MCC: variants seen among roughly 807,000 people sequenced by gnomAD.
The protein encoded by MCC is colorectal mutant cancer protein.
A neutral mutation model predicts 116.2 loss-of-function variants in MCC; 90 were observed. The observed-to-expected ratio is 0.77, with a 90% CI of 0.65 to 0.92. The LOEUF is 0.92. Among genes scored for constraint, MCC ranks in the 40% least tolerant of loss-of-function variants. The pLI is 0.00. For missense variants in MCC, 1,516 were observed against 1,312.2 expected, an observed-to-expected ratio of 1.16 and a Z score of -2.40; for synonymous variants, 578 against 510.5, an observed-to-expected ratio of 1.13 and a Z score of -1.78.
intron 3 of MCC, among the ~76,000 whole-genome samples, chr5:113,332,050 T>TA (rs1172349188): frequency 6.6e-6 from 1 of 151,750 alleles, no homozygotes; most frequent in Non-Finnish European, 1.5e-5. Flanking sequence ...AGACAGCTCT[T>TA]AGACTATAAA....
chr5:113,443,361 C>A (rs1387375539), intron 1 of MCC, among the ~76,000 whole-genome samples: 1 of 152,196 alleles, frequency 6.6e-6, no homozygotes, highest in Non-Finnish European at 1.5e-5. Context: ...TCCCGAGACA[C>A]TGCTGAAGTT....
Position 113,376,606 on chromosome 5 carries a change from C to CACACACACAT in MCC, c.415+8361_415+8362insATGTGTGTGT, listed in dbSNP as rs1768988915. Reference sequence around the variant, plus strand: ...ACACACACACACACACACACACACACATATCAGTATTATGTAGCATTATTA... The same window carrying CACACACACAT: ...ACACACACACACACACACACACACACACACACACATATATCAGTATTATGTAGCATTATTA... On this transcript the variant is annotated intron_variant, in intron 2 of 18. Transcript: ENST00000408903. Among the ~76,000 whole-genome samples the CACACACACAT allele has an allele frequency of 1.1e-4, 16 of 151,444 alleles. 1 individual carries two copies. Among genetic ancestry groups the CACACACACAT allele is most frequent in the Admixed American group, 7.3e-4 (11 of 15,168 alleles).
chr5:113,404,800 T>C (rs560259291), intron 1 of MCC, among the ~76,000 whole-genome samples: 1 of 138,740 alleles, frequency 7.2e-6, no homozygotes, highest in East Asian at 2.0e-4. Context: ...TGGCACAACA[T>C]CCAAAATCAA....
chr5:113,217,353 G>A (rs1373335106), intron 3 of MCC, among the ~76,000 whole-genome samples: 1 of 152,158 alleles, frequency 6.6e-6, no homozygotes, highest in Non-Finnish European at 1.5e-5. Flanking sequence ...CACATAGCTT[G>A]GAATGTAATG....
At position 113,071,224 on chromosome 5, in the gene MCC, G is replaced by A. The variant is rs1403212274; in HGVS notation, c.1795C>T (p.His599Tyr). The part of the protein sequence containing the change: ...ETERLNSRIE[H>Y]LKSQNDLLTI... Reference sequence around the variant, plus strand: ...AGGAGGTCATTTTGGGATTTGAGGTGCTCAATCCGGCTACAAAGGAACAAA... The same window carrying A: ...AGGAGGTCATTTTGGGATTTGAGGTACTCAATCCGGCTACAAAGGAACAAA... Residue 599 changes from histidine (H) to tyrosine (Y), a missense_variant, in exon 12 of 19, where the codon CAC becomes TAC. His to Tyr is a moderately conservative substitution (Grantham distance 83). Transcript: ENST00000408903. 1.2e-6 allele frequency: 2 copies of A among 1,613,582 alleles called. No homozygotes were observed. Among genetic ancestry groups the A allele is most frequent in the Non-Finnish European group, 1.7e-6 (2 of 1,179,838 alleles).
chr5:113,045,676 G>C (rs1310874859), intron 16 of MCC, among the ~76,000 whole-genome samples: 1 of 151,926 alleles, frequency 6.6e-6, no homozygotes. Context: ...GCGCACACCT[G>C]TAGTCCCAGA....
chr5:113,438,327 A>C (rs1770923067), intron 1 of MCC, among the ~76,000 whole-genome samples: 1 of 152,160 alleles, frequency 6.6e-6, no homozygotes, highest in Non-Finnish European at 1.5e-5. Context: ...GAGCTGAGGC[A>C]ATTAAGAGCA....
intron 6 of MCC, among the ~76,000 whole-genome samples, chr5:113,107,337 C>T (rs1756805985): frequency 6.6e-6 from 1 of 151,858 alleles, no homozygotes; most frequent in Non-Finnish European, 1.5e-5. Flanking sequence ...CCTATCTCAG[C>T]CTCCCGAGTA....
intron 1 of MCC, among the ~76,000 whole-genome samples, chr5:113,397,436 T>C (rs1340014593): frequency 6.6e-6 from 1 of 152,000 alleles, no homozygotes; most frequent in African/African-American, 2.4e-5. Context: ...GGTTACCAAC[T>C]TGAAAAAAAT....
intron 13 of MCC, among the ~76,000 whole-genome samples, chr5:113,065,763 G>C (rs926568721): frequency 2.6e-5 from 4 of 152,232 alleles, no homozygotes; most frequent in African/African-American, 9.6e-5. Context: ...ATGAGTTCCT[G>C]CTTTGCTGTG....
At chr5:113,086,825 A>G (rs557937625) in intron 8 of MCC, among the ~76,000 whole-genome samples, 1 of 152,092 alleles carries the variant, frequency 6.6e-6, no homozygotes. Flanking sequence ...AGGGCTTTCT[A>G]AACAGAATGT....
chr5:113,080,641 C>A (rs139559644), intron 11 of MCC, among the ~76,000 whole-genome samples: 1 of 151,938 alleles, frequency 6.6e-6, no homozygotes, highest in African/African-American at 2.4e-5. Context: ...CATCACACAC[C>A]GGGGCCTGTC....
chr5:113,164,081 A>G (rs1314019200), intron 3 of MCC, among the ~76,000 whole-genome samples: 1 of 152,178 alleles, frequency 6.6e-6, no homozygotes, highest in Non-Finnish European at 1.5e-5. Flanking sequence ...CTTGCTCTCA[A>G]CAAGCTCCCA....
intron 3 of MCC, among the ~76,000 whole-genome samples, chr5:113,287,506 T>C (rs1381085260): frequency 2.6e-5 from 4 of 152,114 alleles, no homozygotes; most frequent in African/African-American, 9.7e-5. Flanking sequence ...TTTGTATTTT[T>C]AGTAGAGACA....
In MCC at chr5:113,079,437, A is replaced by G. The variant is rs1469310662; in HGVS notation, c.1784+3423T>C. 3.3e-5 allele frequency among the ~76,000 whole-genome samples: 5 copies of G among 152,364 alleles called. No individual in the cohort carries two copies. In the South Asian group the frequency reaches 8.3e-4, roughly 25 times the overall value. ...ACAAGGCCACAGTAACCAAAACAGC[A>G]TGGTACTGGTACCAGAACAGAGATA... On this transcript the variant is annotated intron_variant, in intron 11 of 18. Coordinates refer to ENST00000408903, the MANE Select transcript of MCC (RefSeq NM_001085377.2).
rs572734816 is a variant in MCC, at chr5:113,306,821, T to C, written c.627+33698A>G. Among the ~76,000 whole-genome samples the C allele has an allele frequency of 2.6e-5, 4 of 152,200 alleles. No homozygotes were observed. In the South Asian group the frequency reaches 8.3e-4, roughly 32 times the overall value. On this transcript the variant is annotated intron_variant, in intron 3 of 18. Coordinates refer to ENST00000408903, the MANE Select transcript of MCC (RefSeq NM_001085377.2). ...GCAAGGTCACAAAGATTTACTCCTA[T>C]TGTTTTCCTCTAATAATTTTTTTAG...
intron 13 of MCC, 81 bp from the exon 14 acceptor site, chr5:113,064,248 C>CT: frequency 7.7e-7 from 1 of 1,305,300 alleles, no homozygotes; most frequent in African/African-American, 1.5e-5. Flanking sequence ...ATAATTAACT[C>CT]TGTTACTTAG....
intron 3 of MCC, among the ~76,000 whole-genome samples, chr5:113,161,838 C>T (rs1412446863): frequency 1.3e-5 from 2 of 152,186 alleles, no homozygotes; most frequent in African/African-American, 4.8e-5. Flanking sequence ...GCATTCCCAT[C>T]TTTTAAAAGA....
chr5:113,435,642 C>A (rs1357059632), intron 1 of MCC: 1 of 152,606 alleles, frequency 6.6e-6, no homozygotes, highest in African/African-American at 2.4e-5. Flanking sequence ...GCCCCGGAGT[C>A]ACGCAGTTTG....
Sources: allele counts gnomAD v4.1 joint callset (sites outside exome capture counted in the v4.1 genomes callset), GRCh38; gene constraint gnomAD v4.1.1; transcripts MANE v1.5; gene names NCBI Gene and HGNC (gene_info 2026-07-23, HGNC 2026-07-21).